Variants in RIMKLB observed in about 807,000 individuals in gnomAD.
RIMKLB encodes the protein ribosomal modification protein rimK like family member B, also known as beta-citrylglutamate synthase B.
RIMKLB carries 7 observed loss-of-function variants against 32.0 expected under a neutral mutation model. The observed-to-expected ratio is 0.22, with a 90% CI of 0.12 to 0.41. RIMKLB has a LOEUF of 0.41. Ranked by LOEUF, RIMKLB falls within the 10% of genes least tolerant of loss-of-function variation. The pLI, the probability that RIMKLB is intolerant of heterozygous loss-of-function variation, is 1.00. For missense variants in RIMKLB, 289 were observed against 498.7 expected, an observed-to-expected ratio of 0.58 and a Z score of 4.00; for synonymous variants, 172 against 185.1, an observed-to-expected ratio of 0.93 and a Z score of 0.57.
intron 2 of RIMKLB, among the ~76,000 whole-genome samples, chr12:8,737,786 C>T (rs915990914): frequency 1.3e-5 from 2 of 152,226 alleles, no homozygotes; most frequent in Non-Finnish European, 2.9e-5. Context: ...GTGATCTTGG[C>T]TCACCATAAG....
At chr12:8,777,668 T>C (rs1950814948), downstream of RIMKLB, 1 of 1,289,094 alleles carries the variant, frequency 7.8e-7, no homozygotes, top group African/African-American at 1.5e-5. Context: ...TCCCCCTTCC[T>C]GATGATGAGT....
At chr12:8,766,955 A>G (rs189851017) in intron 5 of RIMKLB, among the ~76,000 whole-genome samples, 377 of 152,346 alleles carry the variant, frequency 2.5e-3, no homozygotes, top group Non-Finnish European at 4.5e-3. Flanking sequence ...TTCTACTTTT[A>G]GCAATGCAGT....
At chr12:8,703,419 C>T (rs1035507477) in intron 1 of RIMKLB, among the ~76,000 whole-genome samples, 1 of 152,196 alleles carries the variant, frequency 6.6e-6, no homozygotes, top group Non-Finnish European at 1.5e-5. Flanking sequence ...CCTTGAACTT[C>T]TAGGCTCAAG....
chr12:8,698,789 C>A (rs956909467), intron 1 of RIMKLB, among the ~76,000 whole-genome samples: 1 of 151,926 alleles, frequency 6.6e-6, no homozygotes, highest in South Asian at 2.1e-4. Flanking sequence ...GTATTCGATT[C>A]CACGTTTTCC....
At chr12:8,752,844 G>A (rs773698840) in intron 4 of RIMKLB, among the ~76,000 whole-genome samples, 2 of 151,716 alleles carry the variant, frequency 1.3e-5, no homozygotes, top group African/African-American at 2.4e-5. Context: ...AGATTCAAGC[G>A]ATTCTCCTGC....
At chr12:8,690,795 T>C (rs1316696018) in intron 1 of RIMKLB, among the ~76,000 whole-genome samples, 2 of 152,130 alleles carry the variant, frequency 1.3e-5, no homozygotes, top group African/African-American at 4.8e-5. Flanking sequence ...TGGTGGTGCA[T>C]GCCTGTAATC....
downstream of RIMKLB, among the ~76,000 whole-genome samples, chr12:8,781,998 T>G (rs991212069): frequency 6.6e-6 from 1 of 151,528 alleles, no homozygotes; most frequent in African/African-American, 2.4e-5. Flanking sequence ...GGTTCTTATC[T>G]TATTTCAGCT....
chr12:8,776,662 A>C lies in RIMKLB; in HGVS notation c.*2878A>C. On this transcript the variant is annotated 3_prime_UTR_variant, in exon 6 of 6. Transcript: ENST00000535829. The stretch of plus-strand genomic sequence containing the variant: ...ACAAGTATGAACTATTCTATTTAAA[A>C]TTTTTAATAGTTTTTTTCTTTTTTG... 1 of 970,092 alleles carries C rather than the reference A, an allele frequency of 1.0e-6. No individual in the cohort carries two copies. Among genetic ancestry groups the C allele is most frequent in the Non-Finnish European group, 1.2e-6 (1 of 816,026 alleles). The allele number at this position is 970,092 out of a possible 1,614,324, so 60.1% of individuals were successfully genotyped here.
chr12:8,712,187 CGT>C, intron 1 of RIMKLB, among the ~76,000 whole-genome samples: 1 of 152,068 alleles, frequency 6.6e-6, no homozygotes, highest in Admixed American at 6.6e-5. Flanking sequence ...TTTTTGTGCG[CGT>C]GAGACGGAAT....
At chr12:8,752,615 T>C (rs138077958) in intron 4 of RIMKLB, among the ~76,000 whole-genome samples, 6 of 152,334 alleles carry the variant, frequency 3.9e-5, no homozygotes, top group South Asian at 2.1e-4. Context: ...TCTAAAGATA[T>C]ATAGTTTGAA....
intron 2 of RIMKLB, among the ~76,000 whole-genome samples, chr12:8,739,199 C>A (rs145261517): frequency 6.6e-6 from 1 of 151,988 alleles, no homozygotes; most frequent in Non-Finnish European, 1.5e-5. Context: ...CTGGTAAGTT[C>A]GATATCAAGG....
At chr12:8,766,527 T>G (rs1335593874) in intron 5 of RIMKLB, among the ~76,000 whole-genome samples, 1 of 152,212 alleles carries the variant, frequency 6.6e-6, no homozygotes, top group African/African-American at 2.4e-5. Flanking sequence ...AGATAGAGTC[T>G]TTTTGATTCT....
At chr12:8,779,944 T>C (rs1311133331), downstream of RIMKLB, 1 of 152,206 alleles carries the variant, frequency 6.6e-6, no homozygotes, top group Non-Finnish European at 1.5e-5. Flanking sequence ...GTCAGTCCTT[T>C]TTAAAAGACT....
chr12:8,776,265 G>A lies in RIMKLB; in HGVS notation c.*2481G>A, dbSNP rs182881427. On this transcript the variant is annotated 3_prime_UTR_variant, in exon 6 of 6. Transcript: ENST00000535829. ...TTATGCATTCACATGATATTAAAAC[G>A]TACACTCACATGTTAGAATGAAAAG... 1.3e-5 allele frequency: 13 copies of A among 977,228 alleles called. No homozygotes were observed. Among genetic ancestry groups the A allele is most frequent in the East Asian group, 1.1e-4 (1 of 8,764 alleles). 60.5% of individuals were successfully genotyped at this position (977,228 alleles called of 1,614,324 possible).
At chr12:8,670,690 A>G in the RIMKLB span, among the ~76,000 whole-genome samples, 1 of 152,196 alleles carries the variant, frequency 6.6e-6, no homozygotes, top group Non-Finnish European at 1.5e-5. Flanking sequence ...CTGGGGGGCC[A>G]TGGCCGTCTT....
In RIMKLB at chr12:8,749,843, T is replaced by C. The variant is rs1347866462; in HGVS notation, c.176-19T>C. The C allele has an allele frequency of 2.6e-6, 4 of 1,521,410 alleles. No individual in the cohort carries two copies. The highest frequency in any genetic ancestry group is 3.6e-6 in the Non-Finnish European group (4 of 1,099,414). 94.2% of individuals were successfully genotyped at this position (1,521,410 alleles called of 1,614,324 possible). On this transcript the variant is annotated intron_variant, in intron 2 of 5. Coordinates refer to ENST00000535829, the MANE Select transcript of RIMKLB (RefSeq NM_001297776.2). ...ATATTTCCCTCTAATTGTGTTGGTC[T>C]TGTATTTATATATTTCAGGTCTGCG...
intron 2 of RIMKLB, chr12:8,742,426 TG>T: frequency 3.3e-6 from 1 of 304,452 alleles, no homozygotes; most frequent in Admixed American, 4.4e-5. Context: ...GAAGTTTTCA[TG>T]GTGTCTGGAA....
chr12:8,698,950 T>TCCC (rs1251265752), intron 1 of RIMKLB, among the ~76,000 whole-genome samples: 2 of 138,712 alleles, frequency 1.4e-5, no homozygotes, highest in African/African-American at 5.6e-5. Context: ...TACTTGCCCC[T>TCCC]CACCCCCCCC....
chr12:8,755,867 G>T (rs77759574), intron 5 of RIMKLB, among the ~76,000 whole-genome samples: 44 of 152,072 alleles, frequency 2.9e-4, no homozygotes, highest in African/African-American at 1.1e-3. Context: ...AAATAAATTA[G>T]CTGGGGCCAA....
Sources: allele counts gnomAD v4.1 joint callset (sites outside exome capture counted in the v4.1 genomes callset), GRCh38; gene constraint gnomAD v4.1.1; transcripts MANE v1.5; gene names NCBI Gene and HGNC (gene_info 2026-07-23, HGNC 2026-07-21).